Variants in EPHA5 observed in about 807,000 individuals in gnomAD.
EPHA5 encodes EPH receptor A5.
Under a neutral mutation model 105.0 loss-of-function variants are expected in EPHA5, and 60 were observed. The ratio of observed to expected loss-of-function variants is 0.57; its 90% CI spans 0.46 to 0.71. EPHA5 has a LOEUF of 0.71. Among genes scored for constraint, EPHA5 ranks in the 30% least tolerant of loss-of-function variants. EPHA5 has a pLI of 0.00. For synonymous variants in EPHA5, 513 were observed against 449.1 expected (o/e 1.14, Z -1.80); for missense variants, 1,218 against 1,274.7 (o/e 0.96, Z 0.68).
At chr4:65,526,529 TA>T (rs1735247825) in intron 3 of EPHA5, among the ~76,000 whole-genome samples, 3 of 152,014 alleles carry the variant, frequency 2.0e-5, no homozygotes, top group African/African-American at 2.4e-5. Flanking sequence ...TTTTATCAGA[TA>T]TTTTTTATTT....
chr4:65,538,233 C>T (rs1736481206), intron 3 of EPHA5, among the ~76,000 whole-genome samples: 1 of 151,670 alleles, frequency 6.6e-6, no homozygotes, highest in Non-Finnish European at 1.5e-5. Context: ...AGTATTTCTA[C>T]AAGCATCAAA....
At chr4:65,567,919 ATTC>A (rs1430567638) in intron 3 of EPHA5, among the ~76,000 whole-genome samples, 3 of 151,346 alleles carry the variant, frequency 2.0e-5, no homozygotes, top group African/African-American at 7.3e-5. Context: ...AACTAATCCT[ATTC>A]TTTGAATTTT....
intron 5 of EPHA5, among the ~76,000 whole-genome samples, chr4:65,474,144 C>T (rs2149169265): frequency 6.6e-6 from 1 of 152,006 alleles, no homozygotes; most frequent in Admixed American, 6.6e-5. Flanking sequence ...ACATTGTGCA[C>T]ATGTACCCTA....
chr4:65,446,227 A>G, intron 5 of EPHA5, among the ~76,000 whole-genome samples: 1 of 152,274 alleles, frequency 6.6e-6, no homozygotes, highest in East Asian at 1.9e-4. Flanking sequence ...AAAACTTGGT[A>G]TTATCTTTGC....
At chr4:65,399,150 C>T (rs1196422868) in intron 8 of EPHA5, among the ~76,000 whole-genome samples, 1 of 152,162 alleles carries the variant, frequency 6.6e-6, no homozygotes, top group Non-Finnish European at 1.5e-5. Flanking sequence ...TTCCAAGTTT[C>T]CAGGCATCAC....
intron 3 of EPHA5, among the ~76,000 whole-genome samples, chr4:65,599,193 G>T (rs962830804): frequency 3.9e-5 from 6 of 151,984 alleles, no homozygotes; most frequent in Non-Finnish European, 8.8e-5. Context: ...TGATGGATTG[G>T]AACTGGATAG....
intron 3 of EPHA5, among the ~76,000 whole-genome samples, chr4:65,544,111 A>G (rs1014697152): frequency 1.3e-5 from 2 of 152,154 alleles, no homozygotes; most frequent in African/African-American, 4.8e-5. Context: ...AAAACCCAAA[A>G]ACATAAAAAC....
intron 11 of EPHA5, among the ~76,000 whole-genome samples, chr4:65,353,846 C>T (rs766302948): frequency 2.0e-4 from 30 of 151,746 alleles, no homozygotes; most frequent in Non-Finnish European, 3.8e-4. Context: ...TCTCGATTAA[C>T]CCCACTTTTC....
chr4:65,591,867 T>A (rs150682023), intron 3 of EPHA5, among the ~76,000 whole-genome samples: 61 of 152,256 alleles, frequency 4.0e-4, no homozygotes, highest in African/African-American at 1.4e-3. Flanking sequence ...AACTATTTAG[T>A]AAAATAACAT....
intron 3 of EPHA5, among the ~76,000 whole-genome samples, chr4:65,597,065 T>C (rs1013332055): frequency 6.6e-6 from 1 of 152,318 alleles, no homozygotes; most frequent in South Asian, 2.1e-4. Context: ...TTTTCCTCGC[T>C]GTGCAATCAT....
intron 2 of EPHA5, among the ~76,000 whole-genome samples, chr4:65,638,621 C>G (rs1747366515): frequency 1.3e-5 from 2 of 152,096 alleles, no homozygotes; most frequent in African/African-American, 4.8e-5. Context: ...TGCCTGTAAT[C>G]CCAGCTACTC....
At chr4:65,542,593 C>A (rs920333333) in intron 3 of EPHA5, among the ~76,000 whole-genome samples, 7 of 151,622 alleles carry the variant, frequency 4.6e-5, no homozygotes, top group African/African-American at 1.7e-4. Context: ...GTCTACCAAC[C>A]AAAGAAAGCC....
At chr4:65,576,215 A>G (rs559711413) in intron 3 of EPHA5, among the ~76,000 whole-genome samples, 3 of 152,222 alleles carry the variant, frequency 2.0e-5, no homozygotes, top group African/African-American at 7.2e-5. Flanking sequence ...AAAATTGATC[A>G]AGGGTATGCA....
chr4:65,562,901 C>T (rs1348279800), intron 3 of EPHA5, among the ~76,000 whole-genome samples: 1 of 151,838 alleles, frequency 6.6e-6, no homozygotes, highest in African/African-American at 2.4e-5. Flanking sequence ...TGCTAGAAAC[C>T]AGGAGTTCAA....
At chr4:65,359,063 A>T (rs2148874308) in intron 11 of EPHA5, among the ~76,000 whole-genome samples, 1 of 151,758 alleles carries the variant, frequency 6.6e-6, no homozygotes, top group South Asian at 2.1e-4. Flanking sequence ...AACAATGAAA[A>T]TAACTTTAAA....
At chr4:65,344,818 G>A (rs1253589042) in intron 14 of EPHA5, among the ~76,000 whole-genome samples, 2 of 152,098 alleles carry the variant, frequency 1.3e-5, no homozygotes, top group African/African-American at 4.8e-5. Context: ...GATCAATCCA[G>A]AGTAATCATA....
At position 65,566,562 on chromosome 4, in the gene EPHA5, A is replaced by G. The variant is rs138675282; in HGVS notation, c.910+35079T>C. Among the ~76,000 whole-genome samples the G allele has an allele frequency of 1.4e-4, 21 of 151,198 alleles. No individual in the cohort carries two copies. The East Asian group carries it at 4.1e-3, about 29-fold the overall frequency. On this transcript the variant is annotated intron_variant, in intron 3 of 16. Transcript: ENST00000613740. The stretch of plus-strand genomic sequence containing the variant: ...TCTTCCTTTCTTTTCTTCCTTATTT[A>G]TTTTATTTTTTTGATGGAAATCTAG...
Position 65,404,446 on chromosome 4 carries a change from G to A in EPHA5, c.1721C>T (p.Pro574Leu), listed in dbSNP as rs546885832. 5 of 1,613,746 alleles carry A rather than the reference G, an allele frequency of 3.1e-6. No individual in the cohort carries two copies. Among genetic ancestry groups the A allele is most frequent in the Middle Eastern group, 3.3e-4 (2 of 6,056 alleles). ...VAASSDQSQI[P>L]VIAVSVTVGV... ...CACTGTCACAGACACAGCAATTACA[G>A]GAATCTGGCTTTGATCGCTGGATGC... is the stretch of plus-strand genomic sequence containing the variant. The change falls in exon 8 of 17, where the codon CCT (proline) becomes CTT (leucine). Residue 574 changes from proline to leucine, a missense_variant. Coordinates refer to ENST00000613740, the MANE Select transcript of EPHA5 (RefSeq NM_001281766.3).
At chr4:65,339,442 G>A (rs1029020350) in intron 14 of EPHA5, among the ~76,000 whole-genome samples, 5 of 152,024 alleles carry the variant, frequency 3.3e-5, no homozygotes, top group African/African-American at 9.7e-5. Flanking sequence ...TCATGGATAC[G>A]TTCTGGAAAC....
Sources: gnomAD v4.1 joint callset for allele counts (sites outside exome capture counted in the v4.1 genomes callset) on GRCh38, gnomAD v4.1.1 for gene constraint, MANE v1.5 for transcripts, NCBI Gene and HGNC (gene_info 2026-07-23, HGNC 2026-07-21) for gene names.